LRBA: variants seen among roughly 807,000 people sequenced by gnomAD.
LRBA encodes the protein lipopolysaccharide-responsive and beige-like anchor protein.
Under a neutral mutation model 330.0 loss-of-function variants are expected in LRBA, and 176 were observed. That is an observed-to-expected ratio of 0.53 (90% CI 0.47 to 0.60). The LOEUF (loss-of-function observed/expected upper bound fraction) is 0.60. Among genes scored for constraint, LRBA ranks in the 20% least tolerant of loss-of-function variants. LRBA has a pLI of 0.00. For synonymous variants in LRBA, 1,230 were observed against 1,193.0 expected (o/e 1.03, Z -0.64); for missense variants, 3,259 against 3,444.8 (o/e 0.95, Z 1.35).
intron 5 of LRBA, among the ~76,000 whole-genome samples, chr4:150,918,131 T>A (rs1732848977): frequency 6.6e-6 from 1 of 152,012 alleles, no homozygotes; most frequent in African/African-American, 2.4e-5. Flanking sequence ...TTTATTAAAA[T>A]TAAAACCTGT....
chr4:150,915,791 T>C (rs1732521724), intron 7 of LRBA, 64 bp from the exon 8 acceptor site: 4 of 1,298,006 alleles, frequency 3.1e-6, no homozygotes, highest in South Asian at 3.5e-5. Flanking sequence ...GCAACCATAC[T>C]GATGAGTAAA....
intron 47 of LRBA, among the ~76,000 whole-genome samples, chr4:150,374,697 T>C (rs1367152679): frequency 6.6e-6 from 1 of 152,198 alleles, no homozygotes; most frequent in East Asian, 1.9e-4. Flanking sequence ...CAACCGTAAG[T>C]ATAGTGCAAA....
chr4:150,675,289 A>G (rs1782432198), intron 37 of LRBA, among the ~76,000 whole-genome samples: 1 of 152,232 alleles, frequency 6.6e-6, no homozygotes, highest in African/African-American at 2.4e-5. Context: ...TAACTACTCA[A>G]TATACTAGCC....
intron 36 of LRBA, among the ~76,000 whole-genome samples, chr4:150,702,820 A>G (rs1015166482): frequency 6.6e-6 from 1 of 152,236 alleles, no homozygotes; most frequent in Non-Finnish European, 1.5e-5. Context: ...TACAAAGTCC[A>G]TATTTCAACC....
chr4:150,521,131 T>G (rs1298974793), intron 40 of LRBA, among the ~76,000 whole-genome samples: 2 of 152,198 alleles, frequency 1.3e-5, no homozygotes, highest in Admixed American at 1.3e-4. Context: ...TTAATCTGAT[T>G]AGATGTTTAT....
At chr4:150,594,375 T>C (rs1373622382) in intron 38 of LRBA, among the ~76,000 whole-genome samples, 1 of 151,870 alleles carries the variant, frequency 6.6e-6, no homozygotes, top group Non-Finnish European at 1.5e-5. Flanking sequence ...CATGTTTATA[T>C]GTACTGGGGA....
chr4:150,664,048 A>T (rs1781360529), intron 37 of LRBA, among the ~76,000 whole-genome samples: 1 of 152,222 alleles, frequency 6.6e-6, no homozygotes, highest in African/African-American at 2.4e-5. Flanking sequence ...AGATGCACGA[A>T]AAAGATGAAT....
At chr4:150,616,314 A>C (rs1775766506) in intron 37 of LRBA, among the ~76,000 whole-genome samples, 1 of 152,210 alleles carries the variant, frequency 6.6e-6, no homozygotes, top group Admixed American at 6.5e-5. Context: ...TAAGGCCTGT[A>C]CCAGCTCAAC....
chr4:150,651,055 C>G (rs1779659364), intron 37 of LRBA, among the ~76,000 whole-genome samples: 1 of 152,172 alleles, frequency 6.6e-6, no homozygotes, highest in East Asian at 1.9e-4. Context: ...AACCTTATTA[C>G]TTGCAATTAA....
chr4:150,388,494 C>G (rs1277330219), intron 47 of LRBA, among the ~76,000 whole-genome samples: 2 of 152,164 alleles, frequency 1.3e-5, no homozygotes, highest in Admixed American at 1.3e-4. Context: ...ATGGGTGAAA[C>G]TTGAGGTACG....
At chr4:150,731,628 T>C (rs552692870) in intron 36 of LRBA, among the ~76,000 whole-genome samples, 8 of 152,174 alleles carry the variant, frequency 5.3e-5, no homozygotes, top group East Asian at 1.9e-4. Context: ...CTCTGAACAA[T>C]TGAACTCTGA....
At chr4:150,542,969 C>G (rs548337621) in intron 40 of LRBA, among the ~76,000 whole-genome samples, 3 of 152,182 alleles carry the variant, frequency 2.0e-5, no homozygotes, top group African/African-American at 7.2e-5. Context: ...CATTAAAATA[C>G]AAAAATGCAA....
chr4:150,379,804 C>T (rs192234373), intron 47 of LRBA, among the ~76,000 whole-genome samples: 6 of 152,074 alleles, frequency 3.9e-5, no homozygotes, highest in African/African-American at 9.6e-5. Flanking sequence ...ATTATATTGC[C>T]GAGGCAGTAT....
At chr4:150,462,956 A>C (rs1581389350) in intron 44 of LRBA, among the ~76,000 whole-genome samples, 1 of 152,050 alleles carries the variant, frequency 6.6e-6, no homozygotes, top group Admixed American at 6.6e-5. Context: ...TGTATAAACA[A>C]ATATTTGAAA....
chr4:150,749,274 C>T (rs1382825792), intron 35 of LRBA, among the ~76,000 whole-genome samples: 1 of 152,012 alleles, frequency 6.6e-6, no homozygotes, highest in Non-Finnish European at 1.5e-5. Context: ...AACTGGACTA[C>T]ATCAAAACTT....
chr4:150,562,210 A>G (rs1285743155), intron 40 of LRBA, among the ~76,000 whole-genome samples: 1 of 152,120 alleles, frequency 6.6e-6, no homozygotes. Flanking sequence ...AAATCTACCA[A>G]TCAACATATA....
chr4:150,497,225 C>T (rs964350418), intron 40 of LRBA, among the ~76,000 whole-genome samples: 13 of 152,060 alleles, frequency 8.5e-5, no homozygotes, highest in African/African-American at 2.7e-4. Flanking sequence ...AAGCATAGCA[C>T]GTAATTTACT....
chr4:150,726,927 T>C (rs1582162151), intron 36 of LRBA, among the ~76,000 whole-genome samples: 1 of 145,766 alleles, frequency 6.9e-6, no homozygotes, highest in African/African-American at 2.5e-5. Flanking sequence ...AATACAATAA[T>C]AGCTAGACAC....
intron 40 of LRBA, among the ~76,000 whole-genome samples, chr4:150,517,859 G>A (rs1473870670): frequency 2.0e-5 from 3 of 152,166 alleles, no homozygotes; most frequent in South Asian, 2.1e-4. Flanking sequence ...TCATCAGTTG[G>A]AACATGGTTT....
Sources: gnomAD v4.1 joint callset for allele counts (sites outside exome capture counted in the v4.1 genomes callset) on GRCh38, gnomAD v4.1.1 for gene constraint, MANE v1.5 for transcripts, NCBI Gene and HGNC (gene_info 2026-07-23, HGNC 2026-07-21) for gene names.